Variants in DLEU7 observed in about 807,000 individuals in gnomAD.
DLEU7 encodes the protein leukemia-associated protein 7.
DLEU7 carries 17 observed loss-of-function variants against 16.0 expected under a neutral mutation model. The observed-to-expected ratio is 1.06, with a 90% CI of 0.73 to 1.59. The LOEUF is 1.59. Ranked by LOEUF, DLEU7 falls within the 40% of genes most tolerant of loss-of-function variation. The probability of loss-of-function intolerance (pLI) is 0.00; values close to 1 mark genes in which losing one functional copy is unlikely to be tolerated. For synonymous variants in DLEU7, 113 were observed against 139.8 expected, an observed-to-expected ratio of 0.81 and a Z score of 1.35; for missense variants, 308 against 314.9, an observed-to-expected ratio of 0.98 and a Z score of 0.17.
rs116076067 is a variant in DLEU7, at chr13:50,738,042, T to C, written c.460-24802A>G. 6.3e-3 allele frequency among the ~76,000 whole-genome samples: 962 copies of C among 152,250 alleles called. 8 individuals are homozygous for C. Among genetic ancestry groups the C allele is most frequent in the African/African-American group, 0.022 (896 of 41,552 alleles). ...ATTGCTGATATGGAGGAAGTTTGAA[T>C]GGTCTGGATAGTAAATCAAACCATC... is the stretch of plus-strand genomic sequence containing the variant. On this transcript the variant is annotated intron_variant, in intron 1 of 1. Coordinates refer to the DLEU7 transcript ENST00000400393.
chr13:50,766,256 C>T (rs2137750620), intron 1 of DLEU7, among the ~76,000 whole-genome samples: 1 of 152,306 alleles, frequency 6.6e-6, no homozygotes, highest in South Asian at 2.1e-4. Context: ...AAATTGCTCA[C>T]TCCCATCACG....
chr13:50,838,549 G>A (rs1877545306), intron 1 of DLEU7, among the ~76,000 whole-genome samples: 1 of 152,146 alleles, frequency 6.6e-6, no homozygotes, highest in Non-Finnish European at 1.5e-5. Flanking sequence ...CTCCCTTTGG[G>A]TGGCAAATGT....
chr13:50,843,812 C>A (rs564420556), upstream of DLEU7: 3 of 937,834 alleles, frequency 3.2e-6, no homozygotes, highest in African/African-American at 3.5e-5. The surrounding 1 kb of genome is among the most constrained non-coding windows in gnomAD (Gnocchi z 5.7). Flanking sequence ...ATCGGTGACC[C>A]GTGCTGGCCT....
intron 1 of DLEU7, among the ~76,000 whole-genome samples, chr13:50,733,864 T>G (rs2137719016): frequency 6.6e-6 from 1 of 152,290 alleles, no homozygotes; most frequent in East Asian, 1.9e-4. Flanking sequence ...ATAAGGACAC[T>G]AAAGGCCGTA....
chr13:50,767,806 G>A (rs1251787200), intron 1 of DLEU7, among the ~76,000 whole-genome samples: 2 of 152,176 alleles, frequency 1.3e-5, no homozygotes, highest in African/African-American at 2.4e-5. Context: ...CCTTAGCCCT[G>A]GCTTGAATAG....
At chr13:50,788,787 A>T (rs537805271) in intron 1 of DLEU7, among the ~76,000 whole-genome samples, 2 of 152,326 alleles carry the variant, frequency 1.3e-5, no homozygotes, top group East Asian at 3.9e-4. Context: ...AGACTTCATC[A>T]TAACAGTGAG....
At chr13:50,782,170 A>G (rs778406171) in intron 1 of DLEU7, among the ~76,000 whole-genome samples, 1 of 151,760 alleles carries the variant, frequency 6.6e-6, no homozygotes, top group Non-Finnish European at 1.5e-5. Flanking sequence ...CTAGAAAACC[A>G]CCTCCCTCAC....
chr13:50,802,974 A>G (rs1055443800), intron 1 of DLEU7, among the ~76,000 whole-genome samples: 4 of 152,136 alleles, frequency 2.6e-5, no homozygotes, highest in African/African-American at 7.2e-5. Context: ...ACGGCACTTC[A>G]TTGTGTAATG....
At chr13:50,745,487 T>C (rs1189926572) in intron 1 of DLEU7, among the ~76,000 whole-genome samples, 2 of 152,074 alleles carry the variant, frequency 1.3e-5, no homozygotes, top group Non-Finnish European at 2.9e-5. Context: ...AGATAGATAG[T>C]GGTGATAATG....
At chr13:50,789,936 TCTTTCTTTC>T (rs796824964) in intron 1 of DLEU7, among the ~76,000 whole-genome samples, 19 of 144,646 alleles carry the variant, frequency 1.3e-4, no homozygotes, top group African/African-American at 4.0e-4. Context: ...TTTCTTTCTT[TCTTTCTTTC>T]TTTTTTTTTT....
At chr13:50,756,440 T>C (rs1241320970) in intron 1 of DLEU7, among the ~76,000 whole-genome samples, 1 of 152,166 alleles carries the variant, frequency 6.6e-6, no homozygotes, top group Non-Finnish European at 1.5e-5. Flanking sequence ...TGGAGTTGTG[T>C]ACCTAGAAAG....
At chr13:50,809,789 T>G (rs1876508186) in intron 1 of DLEU7, among the ~76,000 whole-genome samples, 1 of 152,150 alleles carries the variant, frequency 6.6e-6, no homozygotes, top group Admixed American at 6.5e-5. Flanking sequence ...AAGTTCTCCT[T>G]AAGTGTCTTT....
intron 1 of DLEU7, among the ~76,000 whole-genome samples, chr13:50,840,636 C>T (rs1329908285): frequency 6.6e-6 from 1 of 152,052 alleles, no homozygotes; most frequent in East Asian, 1.9e-4. Context: ...GATGGGGACT[C>T]AAGGGCTGGG....
At chr13:50,799,109 CCT>C (rs1206658416) in intron 1 of DLEU7, among the ~76,000 whole-genome samples, 2 of 152,168 alleles carry the variant, frequency 1.3e-5, no homozygotes, top group Non-Finnish European at 2.9e-5. Context: ...ACATCCTCTC[CCT>C]GAGTCAGCTA....
chr13:50,723,809 G>A (rs1349529599), intron 1 of DLEU7, among the ~76,000 whole-genome samples: 3 of 151,318 alleles, frequency 2.0e-5, no homozygotes, highest in Non-Finnish European at 4.4e-5. Flanking sequence ...GTGCAGTATG[G>A]TTCAGTCTAT....
chr13:50,803,819 T>C (rs565832996), intron 1 of DLEU7, among the ~76,000 whole-genome samples: 2 of 152,318 alleles, frequency 1.3e-5, no homozygotes, highest in East Asian at 3.9e-4. Context: ...TAGTCTACTA[T>C]GTGAGCTGCA....
chr13:50,781,341 G>A (rs1263311976), intron 1 of DLEU7, among the ~76,000 whole-genome samples: 1 of 152,184 alleles, frequency 6.6e-6, no homozygotes, highest in Non-Finnish European at 1.5e-5. Context: ...TCAGAGAAAT[G>A]CTGTCATCAC....
rs756206949 is a variant in DLEU7 at position 50,843,150 on chromosome 13, C to T, written c.459+38G>A. The T allele has an allele frequency of 2.6e-6, 4 of 1,559,332 alleles. No homozygotes were observed. The highest frequency in any genetic ancestry group is 2.5e-5 in the East Asian group (1 of 39,932). Reference sequence around the variant, plus strand: ...CCCACCCTTGGAGGATGGGAGGTTACCCTGCACGCCAGAGGGGATGGCGGG... The same window carrying T: ...CCCACCCTTGGAGGATGGGAGGTTATCCTGCACGCCAGAGGGGATGGCGGG... On this transcript the variant is annotated intron_variant, in intron 1 of 1. Transcript: ENST00000504404. This position sits in a 1 kb window ranked among gnomAD's most constrained non-coding sequence, Gnocchi z 5.7.
intron 1 of DLEU7, among the ~76,000 whole-genome samples, chr13:50,810,624 C>T (rs1474086140): frequency 6.6e-6 from 1 of 152,082 alleles, no homozygotes; most frequent in Non-Finnish European, 1.5e-5. Context: ...GGAAAGGCCA[C>T]CGGGAATGTC....
Sources: gnomAD v4.1 joint callset for allele counts (sites outside exome capture counted in the v4.1 genomes callset) on GRCh38, gnomAD v4.1.1 for gene constraint, Gnocchi (gnomAD v3.1) non-coding constraint, MANE v1.5 for transcripts, NCBI Gene and HGNC (gene_info 2026-07-23, HGNC 2026-07-21) for gene names.